Variants in LTBP1 observed in about 807,000 individuals in gnomAD.
LTBP1 encodes latent-transforming growth factor beta-binding protein 1.
LTBP1 carries 129 observed loss-of-function variants against 207.6 expected under a neutral mutation model. That is an observed-to-expected ratio of 0.62 (90% confidence interval 0.54 to 0.72). The LOEUF is 0.72. Ranked by LOEUF, LTBP1 falls within the 30% of genes least tolerant of loss-of-function variation. The pLI, the probability that LTBP1 is intolerant of heterozygous loss-of-function variation, is 0.00. For synonymous variants in LTBP1, 963 were observed against 833.7 expected, an observed-to-expected ratio of 1.16 and a Z score of -2.67; for missense variants, 2,281 against 2,217.2, an observed-to-expected ratio of 1.03 and a Z score of -0.58.
intron 7 of LTBP1, among the ~76,000 whole-genome samples, chr2:33,190,068 G>A (rs1370324963): frequency 6.6e-6 from 1 of 152,096 alleles, no homozygotes; most frequent in Non-Finnish European, 1.5e-5. Context: ...AAGGTGTAGT[G>A]CATGAGTTGT....
At chr2:33,284,087 T>G (rs2093616814) in intron 19 of LTBP1, among the ~76,000 whole-genome samples, 1 of 152,228 alleles carries the variant, frequency 6.6e-6, no homozygotes, top group Non-Finnish European at 1.5e-5. Context: ...AGTTACACTT[T>G]CTGCTTCTTT....
chr2:33,289,400 T>A (rs2093730052), intron 19 of LTBP1, among the ~76,000 whole-genome samples: 1 of 152,170 alleles, frequency 6.6e-6, no homozygotes, highest in Non-Finnish European at 1.5e-5. Context: ...CAAGGTCTTG[T>A]CCAGGCTGGA....
chr2:33,053,986 A>G lies in LTBP1; in HGVS notation c.863+32780A>G, dbSNP rs576538064. Among the ~76,000 whole-genome samples, 4 of 152,360 alleles carry G rather than the reference A, an allele frequency of 2.6e-5. No homozygotes were observed. In the East Asian group the frequency reaches 7.7e-4, roughly 29 times the overall value. On this transcript the variant is annotated intron_variant, in intron 3 of 33. Coordinates refer to ENST00000404816, the MANE Select transcript of LTBP1 (RefSeq NM_206943.4). ...GGGCTATCCCTAAACCCCTGGGGCA[A>G]GACCATCCACATAAGTTGGGACGTG... is the stretch of plus-strand genomic sequence containing the variant.
At chr2:33,074,899 A>G (rs1230834469) in intron 3 of LTBP1, among the ~76,000 whole-genome samples, 1 of 145,192 alleles carries the variant, frequency 6.9e-6, no homozygotes, top group African/African-American at 2.5e-5. Flanking sequence ...AAAAAAAAGC[A>G]CGTTAGATGG....
intron 2 of LTBP1, among the ~76,000 whole-genome samples, chr2:32,995,256 G>A (rs751992312): frequency 2.6e-4 from 40 of 152,148 alleles, no homozygotes; most frequent in Non-Finnish European, 4.6e-4. Flanking sequence ...CTCCACAGCC[G>A]GTGGAGATGT....
chr2:33,378,887 T>C (rs1344199429), intron 31 of LTBP1, among the ~76,000 whole-genome samples: 2 of 152,176 alleles, frequency 1.3e-5, no homozygotes, highest in Non-Finnish European at 2.9e-5. Flanking sequence ...CCCCTTATGA[T>C]TGGGAGAAAA....
intron 2 of LTBP1, among the ~76,000 whole-genome samples, chr2:32,950,215 T>G (rs1239877337): frequency 1.3e-5 from 2 of 152,174 alleles, no homozygotes; most frequent in African/African-American, 2.4e-5. Flanking sequence ...AGATAACTCG[T>G]CTGTTAACAG....
chr2:33,271,026 GA>G, intron 15 of LTBP1, among the ~76,000 whole-genome samples: 1 of 152,168 alleles, frequency 6.6e-6, no homozygotes. Flanking sequence ...GCTGACTTTT[GA>G]GAAGAAACAC....
chr2:33,088,241 T>C (rs2078869722), intron 3 of LTBP1, among the ~76,000 whole-genome samples: 1 of 152,064 alleles, frequency 6.6e-6, no homozygotes, highest in African/African-American at 2.4e-5. Flanking sequence ...ATCACGAGGT[T>C]GGAAGTTCGA....
chr2:32,958,468 C>A (rs1390250984), intron 2 of LTBP1, among the ~76,000 whole-genome samples: 1 of 152,154 alleles, frequency 6.6e-6, no homozygotes, highest in Non-Finnish European at 1.5e-5. Context: ...TCCCTAAGCA[C>A]TCTGATTTCA....
chr2:33,026,952 G>T (rs769488517), intron 3 of LTBP1, among the ~76,000 whole-genome samples: 1 of 152,200 alleles, frequency 6.6e-6, no homozygotes, highest in African/African-American at 2.4e-5. Flanking sequence ...CCTCCTCACC[G>T]GAGGGAGCTA....
chr2:33,262,836 T>C lies in LTBP1; in HGVS notation c.2518+15T>C. 1 of 1,565,726 alleles carries C rather than the reference T, an allele frequency of 6.4e-7. No individual in the cohort carries two copies. Among genetic ancestry groups the C allele is most frequent in the South Asian group, 1.2e-5 (1 of 86,180 alleles). Reference sequence around the variant, plus strand: ...ACAGTTTCCAGGTAGCCTGTGTTGATCTGTGCTGTTTGTCAGAGTATTCTG... The same window carrying C: ...ACAGTTTCCAGGTAGCCTGTGTTGACCTGTGCTGTTTGTCAGAGTATTCTG... On this transcript the variant is annotated intron_variant, in intron 14 of 33. Coordinates refer to ENST00000404816, the MANE Select transcript of LTBP1 (RefSeq NM_206943.4).
chr2:33,090,205 A>C (rs1414797282), intron 3 of LTBP1, among the ~76,000 whole-genome samples: 2 of 152,232 alleles, frequency 1.3e-5, no homozygotes, highest in African/African-American at 4.8e-5. Flanking sequence ...GAAATGTTTC[A>C]TATTTGAGTA....
intron 3 of LTBP1, among the ~76,000 whole-genome samples, chr2:33,087,200 G>A (rs959291035): frequency 1.2e-4 from 17 of 145,862 alleles, no homozygotes; most frequent in Non-Finnish European, 2.4e-4. Context: ...TCAGCCTCAC[G>A]AGTATCTGGG....
At chr2:33,370,238 A>G (rs968083322) in intron 31 of LTBP1, among the ~76,000 whole-genome samples, 2 of 152,250 alleles carry the variant, frequency 1.3e-5, no homozygotes, top group East Asian at 1.9e-4. Flanking sequence ...AAATGTAATT[A>G]AAATCCAAAG....
intron 2 of LTBP1, among the ~76,000 whole-genome samples, chr2:33,012,997 C>G (rs1207971188): frequency 6.6e-6 from 1 of 152,120 alleles, no homozygotes; most frequent in Non-Finnish European, 1.5e-5. Flanking sequence ...CTTTATAGTT[C>G]TAATTTTGAA....
intron 5 of LTBP1, among the ~76,000 whole-genome samples, chr2:33,172,874 G>T (rs956964472): frequency 2.6e-5 from 4 of 152,026 alleles, no homozygotes; most frequent in Non-Finnish European, 5.9e-5. Flanking sequence ...TCAACTACAT[G>T]GAAACTGAAC....
intron 15 of LTBP1, among the ~76,000 whole-genome samples, chr2:33,272,715 A>C (rs1035168621): frequency 1.3e-5 from 2 of 152,214 alleles, no homozygotes; most frequent in Admixed American, 1.3e-4. Flanking sequence ...GGGCAGCAGC[A>C]TTTGTGCCTG....
At position 33,360,798 on chromosome 2, in the gene LTBP1, G is replaced by A. The variant is rs201131061; in HGVS notation, c.4183+19G>A. On this transcript the variant is annotated intron_variant, in intron 27 of 33. Transcript: ENST00000404816. ...GGAACTGGTAAGAATCCGCTTAGTGGTAGAGTCACACTTGTGTTTGGTCAC... is the reference window on the plus strand; with the variant it reads ...GGAACTGGTAAGAATCCGCTTAGTGATAGAGTCACACTTGTGTTTGGTCAC... The A allele has an allele frequency of 1.8e-5, 29 of 1,611,636 alleles. No individual in the cohort carries two copies. Among genetic ancestry groups the A allele is most frequent in the Non-Finnish European group, 1.9e-5 (22 of 1,178,100 alleles).
Sources: allele counts gnomAD v4.1 joint callset (sites outside exome capture counted in the v4.1 genomes callset), GRCh38; gene constraint gnomAD v4.1.1; transcripts MANE v1.5; gene names NCBI Gene and HGNC (gene_info 2026-07-23, HGNC 2026-07-21).